NELL2: variants seen among roughly 807,000 people sequenced by gnomAD.
NELL2 encodes protein kinase C-binding protein NELL2.
A neutral mutation model predicts 109.6 loss-of-function variants in NELL2; 41 were observed. That is an observed-to-expected ratio of 0.37 (90% CI 0.29 to 0.49). The LOEUF is 0.49. NELL2 is among the 20% of genes least tolerant of loss of function. The pLI is 0.98. For missense variants in NELL2, 900 were observed against 1,008.3 expected, an observed-to-expected ratio of 0.89 and a Z score of 1.45; for synonymous variants, 355 against 344.7, an observed-to-expected ratio of 1.03 and a Z score of -0.33.
intron 1 of NELL2, among the ~76,000 whole-genome samples, chr12:44,910,380 A>G (rs897106109): frequency 6.6e-6 from 1 of 152,108 alleles, no homozygotes; most frequent in African/African-American, 2.4e-5. Context: ...ATCACTAATC[A>G]TCAGAGAAAA....
chr12:44,827,217 A>G (rs1592611179), intron 2 of NELL2, among the ~76,000 whole-genome samples: 1 of 152,196 alleles, frequency 6.6e-6, no homozygotes, highest in East Asian at 1.9e-4. Context: ...ATATTTTGAT[A>G]TAGGCATGCG....
At chr12:44,665,460 A>G in intron 13 of NELL2, 24 bp downstream of exon 13, 1 of 1,567,794 alleles carries the variant, frequency 6.4e-7, no homozygotes, top group Non-Finnish European at 8.6e-7. Flanking sequence ...AAAATATTTT[A>G]TTTCACAAAT....
chr12:44,911,423 T>G (rs1447509900), intron 1 of NELL2, among the ~76,000 whole-genome samples: 1 of 152,022 alleles, frequency 6.6e-6, no homozygotes, highest in Non-Finnish European at 1.5e-5. Flanking sequence ...GATGGCACTG[T>G]GGTTCAGTAG....
chr12:44,666,248 T>C (rs1947922033), intron 12 of NELL2, among the ~76,000 whole-genome samples: 1 of 152,224 alleles, frequency 6.6e-6, no homozygotes, highest in African/African-American at 2.4e-5. Context: ...GTTTTGAGTA[T>C]GTATAATGAC....
At chr12:44,755,464 G>A (rs1266296495) in intron 9 of NELL2, among the ~76,000 whole-genome samples, 3 of 151,624 alleles carry the variant, frequency 2.0e-5, no homozygotes, top group Admixed American at 6.6e-5. Flanking sequence ...CACAATGTCT[G>A]CAACATTCTG....
chr12:44,774,202 C>T (rs1161301497), intron 9 of NELL2, among the ~76,000 whole-genome samples: 3 of 152,124 alleles, frequency 2.0e-5, no homozygotes, highest in African/African-American at 7.2e-5. Flanking sequence ...TTCTGACAAC[C>T]GAAGTGAACT....
At chr12:44,536,813 A>G (rs1348508681) in intron 15 of NELL2, among the ~76,000 whole-genome samples, 6 of 151,932 alleles carry the variant, frequency 3.9e-5, no homozygotes, top group Non-Finnish European at 8.8e-5. Flanking sequence ...TGCTGTCCAA[A>G]AGCACAGAGA....
chr12:44,639,315 A>T (rs921832503), intron 13 of NELL2, among the ~76,000 whole-genome samples: 22 of 152,116 alleles, frequency 1.4e-4, no homozygotes, highest in African/African-American at 5.3e-4. Context: ...GACACCCACA[A>T]ATATTTTCTT....
chr12:44,777,214 T>A (rs892245759), intron 6 of NELL2, 28 bp downstream of exon 6: 33 of 1,609,722 alleles, frequency 2.1e-5, no homozygotes, highest in Non-Finnish European at 2.7e-5. Context: ...ATATGGGGAC[T>A]CCACAGTGCA....
chr12:44,633,768 C>G (rs1253605111), intron 13 of NELL2, among the ~76,000 whole-genome samples: 1 of 152,116 alleles, frequency 6.6e-6, no homozygotes, highest in South Asian at 2.1e-4. Context: ...TTGACCAAAT[C>G]AAGTTTTCCT....
intron 13 of NELL2, among the ~76,000 whole-genome samples, chr12:44,616,095 T>C (rs1945815069): frequency 6.6e-6 from 1 of 152,138 alleles, no homozygotes. Flanking sequence ...TGCATTGTGC[T>C]GGATAATTAT....
chr12:44,812,958 C>A (rs1461407855), intron 3 of NELL2, among the ~76,000 whole-genome samples: 1 of 152,140 alleles, frequency 6.6e-6, no homozygotes, highest in Non-Finnish European at 1.5e-5. Flanking sequence ...CCTTTAAGAA[C>A]TTATCTCTAA....
intron 9 of NELL2, among the ~76,000 whole-genome samples, chr12:44,747,134 T>C (rs949795504): frequency 3.3e-5 from 5 of 152,046 alleles, no homozygotes; most frequent in Non-Finnish European, 7.4e-5. Flanking sequence ...ACGTGATGAG[T>C]TCATGTCCTT....
intron 19 of NELL2, among the ~76,000 whole-genome samples, chr12:44,509,516 G>C (rs891940353): frequency 6.6e-6 from 1 of 152,158 alleles, no homozygotes; most frequent in Non-Finnish European, 1.5e-5. Flanking sequence ...AATGAGGGTA[G>C]AGCACTCATG....
Position 44,714,614 on chromosome 12 carries a change from A to G in NELL2, c.1086+36T>C, listed in dbSNP as rs74497791. ...AAACTTTTATCTTGTTTATAAATAG[A>G]AACAATTTTGAAAGACCCACGAATA... is the stretch of plus-strand genomic sequence containing the variant. On this transcript the variant is annotated intron_variant, in intron 10 of 19. Coordinates refer to ENST00000429094, the MANE Select transcript of NELL2 (RefSeq NM_001145108.2). 16 of 1,326,498 alleles carry G rather than the reference A, an allele frequency of 1.2e-5. No individual in the cohort carries two copies. The Admixed American group carries it at 3.8e-4, about 32-fold the overall frequency. 82.2% of individuals were successfully genotyped at this position (1,326,498 alleles called of 1,614,324 possible). A position where few individuals can be genotyped will look rare whatever the true frequency, so the allele number is the denominator to read the frequency against.
At chr12:44,803,637 G>A (rs781109241) in intron 3 of NELL2, among the ~76,000 whole-genome samples, 4 of 151,900 alleles carry the variant, frequency 2.6e-5, no homozygotes, top group Admixed American at 6.6e-5. Flanking sequence ...ATTAAATTAG[G>A]AAAACTGATG....
intron 2 of NELL2, among the ~76,000 whole-genome samples, chr12:44,853,633 T>C (rs1415934309): frequency 6.6e-6 from 1 of 152,106 alleles, no homozygotes; most frequent in Non-Finnish European, 1.5e-5. Context: ...AATCTGAACA[T>C]CAGGGAATAG....
intron 15 of NELL2, among the ~76,000 whole-genome samples, chr12:44,539,446 C>T (rs1352655277): frequency 6.6e-6 from 1 of 151,998 alleles, no homozygotes; most frequent in Non-Finnish European, 1.5e-5. Context: ...ATTATTGTAC[C>T]TTTTAATCAA....
In NELL2 at chr12:44,619,946, A is replaced by G. The variant is rs181834911; in HGVS notation, c.1445-8976T>C. Among the ~76,000 whole-genome samples the G allele has an allele frequency of 4.6e-5, 7 of 152,232 alleles. No individual in the cohort carries two copies. The East Asian group carries it at 1.2e-3, about 25-fold the overall frequency. ...GAAAATGATGGAGAAAGAAGGGTAGATTTGTACTCCAATTTTGGGCTCCAT... is the reference window on the plus strand; with the variant it reads ...GAAAATGATGGAGAAAGAAGGGTAGGTTTGTACTCCAATTTTGGGCTCCAT... On this transcript the variant is annotated intron_variant, in intron 13 of 19. Transcript: ENST00000429094.
Sources: gnomAD v4.1 joint callset for allele counts (sites outside exome capture counted in the v4.1 genomes callset) on GRCh38, gnomAD v4.1.1 for gene constraint, MANE v1.5 for transcripts, NCBI Gene and HGNC (gene_info 2026-07-23, HGNC 2026-07-21) for gene names.